The following LDB2 variants were observed in gnomAD, a reference collection of about 807,000 sequenced individuals.
LDB2 encodes the protein LIM domain binding 2, also known as LIM domain-binding protein 2.
In LDB2, 12 loss-of-function variants were observed where a neutral mutation model predicts 44.3. That is an observed-to-expected ratio of 0.27 (90% CI 0.17 to 0.44). The LOEUF (loss-of-function observed/expected upper bound fraction) is 0.44. Ranked by LOEUF, LDB2 falls within the 20% of genes least tolerant of loss-of-function variation. The pLI is 1.00. For missense variants in LDB2, 344 were observed against 473.5 expected, an observed-to-expected ratio of 0.73 and a Z score of 2.54; for synonymous variants, 164 against 174.8, an observed-to-expected ratio of 0.94 and a Z score of 0.49.
At chr4:16,709,579 C>G (rs1022005438) in intron 2 of LDB2, among the ~76,000 whole-genome samples, 1 of 152,134 alleles carries the variant, frequency 6.6e-6, no homozygotes, top group Non-Finnish European at 1.5e-5. Flanking sequence ...AGGGTAAGAA[C>G]CTTCTGTACA....
At chr4:16,779,150 G>A (rs534748348) in intron 1 of LDB2, among the ~76,000 whole-genome samples, 6 of 152,134 alleles carry the variant, frequency 3.9e-5, no homozygotes, top group African/African-American at 7.2e-5. Context: ...GGGAGCCTCC[G>A]CAGAACTTGG....
chr4:16,801,550 A>G (rs190728215), intron 1 of LDB2, among the ~76,000 whole-genome samples: 4 of 152,288 alleles, frequency 2.6e-5, no homozygotes, highest in African/African-American at 9.6e-5. Flanking sequence ...TTTGGGGAAC[A>G]AGTCACTGAG....
At chr4:16,797,267 C>T (rs1365047444) in intron 1 of LDB2, among the ~76,000 whole-genome samples, 1 of 152,078 alleles carries the variant, frequency 6.6e-6, no homozygotes, top group Non-Finnish European at 1.5e-5. Flanking sequence ...TAAGTAAACC[C>T]ATGCAGTTCA....
At chr4:16,733,523 G>A (rs1761197753) in intron 2 of LDB2, among the ~76,000 whole-genome samples, 1 of 152,118 alleles carries the variant, frequency 6.6e-6, no homozygotes, top group Non-Finnish European at 1.5e-5. Flanking sequence ...AGCAGGCAAG[G>A]GACTCTGGGT....
chr4:16,697,505 A>G (rs903171821), intron 2 of LDB2, among the ~76,000 whole-genome samples: 1 of 149,774 alleles, frequency 6.7e-6, no homozygotes, highest in African/African-American at 2.4e-5. Flanking sequence ...GAAATTCCCC[A>G]CCACGGCTTC....
At chr4:16,534,861 C>T (rs947589383) in intron 5 of LDB2, among the ~76,000 whole-genome samples, 2 of 152,300 alleles carry the variant, frequency 1.3e-5, no homozygotes, top group Admixed American at 6.5e-5. Flanking sequence ...CCCTCATGTA[C>T]CCTGAGGTCT....
rs1239680228 is a variant in LDB2 at position 16,873,401 on chromosome 4, G to T, written c.132+24953C>A. 2.0e-5 allele frequency among the ~76,000 whole-genome samples: 3 copies of T among 152,188 alleles called. No individual in the cohort carries two copies. The East Asian group carries it at 5.8e-4, about 29-fold the overall frequency. ...CTATCACTGAAAGTGCTGGAGCACA[G>T]GACAGGGTTGAGCTAGAACCTGGAA... On this transcript the variant is annotated intron_variant, in intron 1 of 7. Coordinates refer to ENST00000304523, the MANE Select transcript of LDB2 (RefSeq NM_001290.5).
intron 1 of LDB2, among the ~76,000 whole-genome samples, chr4:16,801,218 A>G (rs1777761242): frequency 6.6e-6 from 1 of 152,136 alleles, no homozygotes; most frequent in African/African-American, 2.4e-5. Flanking sequence ...CCCATCCTGT[A>G]AGCTCTTAAG....
intron 2 of LDB2, among the ~76,000 whole-genome samples, chr4:16,693,448 T>C (rs1185773029): frequency 6.7e-6 from 1 of 148,662 alleles, no homozygotes; most frequent in Admixed American, 6.8e-5. Context: ...CTCCGCCTCC[T>C]GGGTTCAAAC....
intron 2 of LDB2, among the ~76,000 whole-genome samples, chr4:16,614,480 GCAACCTA>G (rs949688594): frequency 6.7e-6 from 1 of 150,092 alleles, no homozygotes; most frequent in African/African-American, 2.5e-5. Context: ...AACTGAACAG[GCAACCTA>G]CAAAATGGGA....
intron 1 of LDB2, among the ~76,000 whole-genome samples, chr4:16,853,706 G>T (rs1252257825): frequency 6.6e-6 from 1 of 152,060 alleles, no homozygotes. Context: ...TTCCACAATA[G>T]TCAAGATGTG....
At chr4:16,741,151 T>C (rs1467578334) in intron 2 of LDB2, among the ~76,000 whole-genome samples, 1 of 152,254 alleles carries the variant, frequency 6.6e-6, no homozygotes, top group African/African-American at 2.4e-5. Flanking sequence ...TGGTGAGCTC[T>C]GCCTGTCATT....
intron 2 of LDB2, among the ~76,000 whole-genome samples, chr4:16,660,322 G>A (rs1479433166): frequency 1.3e-5 from 2 of 152,032 alleles, no homozygotes; most frequent in African/African-American, 4.8e-5. Flanking sequence ...GCCATCAAGG[G>A]GCCTTAGGCA....
chr4:16,890,608 C>A (rs776118316), intron 1 of LDB2, among the ~76,000 whole-genome samples: 1 of 152,152 alleles, frequency 6.6e-6, no homozygotes, highest in Non-Finnish European at 1.5e-5. Context: ...CATCCCTTTA[C>A]CAATATGCTC....
intron 2 of LDB2, among the ~76,000 whole-genome samples, chr4:16,636,765 AT>A (rs778275323): frequency 7.2e-5 from 11 of 152,160 alleles, no homozygotes; most frequent in Admixed American, 2.0e-4. Flanking sequence ...TAAATTTGTA[AT>A]TTATCTGCCA....
Position 16,585,923 on chromosome 4 carries a change from C to T in LDB2, c.614G>A (p.Arg205Lys). The T allele has an allele frequency of 6.2e-7, 1 of 1,611,220 alleles. No homozygotes were observed. Among genetic ancestry groups the T allele is most frequent in the Non-Finnish European group, 8.5e-7 (1 of 1,177,542 alleles). ...GLTNFTLNYL[R>K]LCVILEPMQE... Reference sequence around the variant, plus strand: ...ATAAAATCATTCGATTGATCTTACCCTGAGGTAGTTGAGGGTGAAGTTTGT... The same window carrying T: ...ATAAAATCATTCGATTGATCTTACCTTGAGGTAGTTGAGGGTGAAGTTTGT... Residue 205 changes from arginine (R) to lysine (K), a missense_variant and splice_region_variant, in exon 5 of 8, where the codon AGG (arginine) becomes AAG (lysine). Arg to Lys is a conservative substitution (Grantham distance 26, BLOSUM62 2). This residue lies in a region of LDB2 where 226 missense variants were observed against 270.1 expected (regional missense o/e 0.84). Coordinates refer to ENST00000304523, the MANE Select transcript of LDB2 (RefSeq NM_001290.5).
chr4:16,598,893 T>A lies in LDB2; in HGVS notation c.236-3018A>T, dbSNP rs63551562. On this transcript the variant is annotated intron_variant, in intron 2 of 7. Coordinates refer to ENST00000304523, the MANE Select transcript of LDB2 (RefSeq NM_001290.5). ...TCTTTCTTTCTTTTTTTTTTTTTTT[T>A]AAATTGGCTCAAGCTAGTTCGTGTT... Among the ~76,000 whole-genome samples, 3 of 132,346 alleles carry A rather than the reference T, an allele frequency of 2.3e-5. No individual in the cohort carries two copies. In the Admixed American group the frequency reaches 2.3e-4, roughly 10 times the overall value. 86.8% of individuals were successfully genotyped at this position (132,346 alleles called of 152,430 possible).
intron 2 of LDB2, among the ~76,000 whole-genome samples, chr4:16,757,676 T>A (rs542209083): frequency 6.6e-6 from 1 of 152,248 alleles, no homozygotes; most frequent in African/African-American, 2.4e-5. Flanking sequence ...GGTTAGAAAT[T>A]AAACGCCATT....
At chr4:16,692,437 AAAAGGGTTACTT>A (rs1751010139) in intron 2 of LDB2, among the ~76,000 whole-genome samples, 1 of 152,200 alleles carries the variant, frequency 6.6e-6, no homozygotes, top group African/African-American at 2.4e-5. Context: ...CAGCAGCAGC[AAAAGGGTTACTT>A]CCAACTTCAC....
Sources: allele counts gnomAD v4.1 joint callset (sites outside exome capture counted in the v4.1 genomes callset), GRCh38; gene constraint gnomAD v4.1.1; regional missense constraint gnomAD v4.1.1; transcripts MANE v1.5; gene names NCBI Gene and HGNC (gene_info 2026-07-23, HGNC 2026-07-21).